The following ZP3 variants were observed in gnomAD, a reference collection of about 807,000 sequenced individuals.
The protein encoded by ZP3 is zona pellucida sperm-binding protein 3.
ZP3 carries 21 observed loss-of-function variants against 35.6 expected under a neutral mutation model. The observed-to-expected ratio is 0.59, with a 90% CI of 0.42 to 0.85. The LOEUF (loss-of-function observed/expected upper bound fraction) is 0.85, where lower values mean the gene tolerates loss of function less well. Ranked by LOEUF, ZP3 falls within the 40% of genes least tolerant of loss-of-function variation. The pLI, the probability that ZP3 is intolerant of heterozygous loss-of-function variation, is 0.00. For missense variants in ZP3, 437 were observed against 536.5 expected, an observed-to-expected ratio of 0.81 and a Z score of 1.83; for synonymous variants, 207 against 214.5, an observed-to-expected ratio of 0.96 and a Z score of 0.31.
chr7:76,412,806 G>A (rs1214607785), intron 1 of ZP3, among the ~76,000 whole-genome samples: 5 of 150,646 alleles, frequency 3.3e-5, no homozygotes, highest in Non-Finnish European at 7.4e-5. Flanking sequence ...CTGAGATCGC[G>A]CCATTGCACT....
At chr7:76,424,180 T>A (rs1021694190), upstream of ZP3, among the ~76,000 whole-genome samples, 11 of 152,132 alleles carry the variant, frequency 7.2e-5, no homozygotes, top group Admixed American at 5.9e-4. Flanking sequence ...CCCACAGACC[T>A]GGGACAGCTC....
chr7:76,441,667 C>T (rs1463183111), intron 7 of ZP3, among the ~76,000 whole-genome samples, 175 bp from the exon 8 acceptor site: 2 of 152,310 alleles, frequency 1.3e-5, no homozygotes, highest in East Asian at 3.9e-4. Flanking sequence ...GGATTACAGG[C>T]ATTAGCCATC....
chr7:76,401,116 C>A, intron 1 of ZP3: 5 of 1,471,914 alleles, frequency 3.4e-6, no homozygotes, highest in Non-Finnish European at 4.5e-6. Flanking sequence ...AACACACCCC[C>A]CAACTCCCAC....
At chr7:76,406,293 T>C (rs1015592085) in intron 1 of ZP3, among the ~76,000 whole-genome samples, 2 of 152,162 alleles carry the variant, frequency 1.3e-5, no homozygotes, top group African/African-American at 4.8e-5. Context: ...ATTCGAAATA[T>C]AGTATTGGTG....
At chr7:76,405,339 C>CTTTT (rs1193527373) in intron 1 of ZP3, among the ~76,000 whole-genome samples, 4 of 21,392 alleles carry the variant, frequency 1.9e-4, no homozygotes, top group South Asian at 2.3e-3. Flanking sequence ...TTCTTTCTTT[C>CTTTT]TTTTTTTTTT....
chr7:76,413,506 A>G (rs960950416), intron 1 of ZP3, among the ~76,000 whole-genome samples: 7 of 151,258 alleles, frequency 4.6e-5, no homozygotes, highest in East Asian at 2.0e-4. Context: ...AGCTCAAGCA[A>G]TCCTCCCACC....
At chr7:76,431,657 T>A (rs1805827418) in intron 2 of ZP3, among the ~76,000 whole-genome samples, 1 of 152,138 alleles carries the variant, frequency 6.6e-6, no homozygotes, top group Non-Finnish European at 1.5e-5. Context: ...CCCAGCACTT[T>A]GGGAGGCCGA....
chr7:76,403,483 G>A (rs1584030559), intron 1 of ZP3, among the ~76,000 whole-genome samples: 2 of 151,086 alleles, frequency 1.3e-5, no homozygotes, highest in Non-Finnish European at 2.9e-5. Flanking sequence ...GATTACAGGC[G>A]CCCGCCACCA....
intron 1 of ZP3, among the ~76,000 whole-genome samples, chr7:76,414,198 T>C (rs111752657): frequency 0.014 from 2,141 of 152,060 alleles, 16 homozygotes; most frequent in Non-Finnish European, 0.022. Context: ...GGTTTTGCCA[T>C]GTTGCCCAGG....
intron 1 of ZP3, chr7:76,400,524 C>A: frequency 6.3e-7 from 1 of 1,575,276 alleles, no homozygotes; most frequent in Non-Finnish European, 8.6e-7. Context: ...AGACGCTGCC[C>A]CAGGAGCCAC....
At chr7:76,435,812 T>G (rs1805980919) in intron 5 of ZP3, among the ~76,000 whole-genome samples, 1 of 149,522 alleles carries the variant, frequency 6.7e-6, no homozygotes, top group Non-Finnish European at 1.5e-5. Flanking sequence ...CACTGCAACC[T>G]CTGCCTCCGG....
chr7:76,441,888 C>T lies in ZP3; in HGVS notation c.1107C>T (p.Asp369=), dbSNP rs1584078814. 1 of 1,611,140 alleles carries T rather than the reference C, an allele frequency of 6.2e-7. No homozygotes were observed. The change falls in exon 8 of 8, where the codon GAC becomes GAT. Residue 369 remains aspartate, a synonymous_variant. Coordinates refer to ENST00000394857, the MANE Select transcript of ZP3 (RefSeq NM_001110354.2). ...DVTVGPLIFL[D]RRGDHEVEQW... ...CCGTGGGGCCACTGATCTTCCTGGA[C>T]AGGAGGGGTGACCATGAAGTAGAGC...
intron 1 of ZP3, among the ~76,000 whole-genome samples, chr7:76,408,890 G>A (rs1563688994): frequency 6.6e-6 from 1 of 152,076 alleles, no homozygotes; most frequent in Admixed American, 6.6e-5. Flanking sequence ...CTAACACAGC[G>A]GTTCATATTG....
chr7:76,397,562 A>ACACCC (rs765171596), exon 1 of ZP3: 1 of 1,604,336 alleles, frequency 6.2e-7, no homozygotes, highest in South Asian at 1.1e-5. Flanking sequence ...GCAGTTGTGC[A>ACACCC]CACCCCAGCC....
At chr7:76,400,962 C>T in intron 1 of ZP3, 3 of 1,550,796 alleles carry the variant, frequency 1.9e-6, no homozygotes, top group Non-Finnish European at 2.6e-6. Flanking sequence ...GGCTGGAGTA[C>T]CTGGCGGACA....
intron 1 of ZP3, among the ~76,000 whole-genome samples, chr7:76,411,656 G>T (rs1805247411): frequency 6.6e-6 from 1 of 152,176 alleles, no homozygotes; most frequent in Non-Finnish European, 1.5e-5. Flanking sequence ...TCAAATGCTA[G>T]TGAGGATATG....
chr7:76,405,367 A>G (rs1332515974), intron 1 of ZP3, among the ~76,000 whole-genome samples: 1 of 39,420 alleles, frequency 2.5e-5, no homozygotes, highest in Non-Finnish European at 4.5e-5. Context: ...TTTTTGGTAG[A>G]GAGGGTGTTT....
chr7:76,404,534 G>C, intron 1 of ZP3: 1 of 1,594,834 alleles, frequency 6.3e-7, no homozygotes, highest in Non-Finnish European at 8.5e-7. Context: ...AATGTTGCTG[G>C]GCCTCCCAGC....
intron 1 of ZP3, among the ~76,000 whole-genome samples, chr7:76,417,534 T>C (rs1805406272): frequency 1.3e-5 from 2 of 152,190 alleles, no homozygotes; most frequent in Admixed American, 6.6e-5. Flanking sequence ...TTGTGATTCC[T>C]CTTATTTTCC....
Sources: gnomAD v4.1 joint callset for allele counts (sites outside exome capture counted in the v4.1 genomes callset) on GRCh38, gnomAD v4.1.1 for gene constraint, MANE v1.5 for transcripts, NCBI Gene and HGNC (gene_info 2026-07-23, HGNC 2026-07-21) for gene names.